ATP2B1: variants seen among roughly 807,000 people sequenced by gnomAD.
The protein encoded by ATP2B1 is ATPase plasma membrane Ca2+ transporting 1.
Under a neutral mutation model 124.2 loss-of-function variants are expected in ATP2B1, and 14 were observed. The ratio of observed to expected loss-of-function variants is 0.11; its 90% CI spans 0.07 to 0.18. The LOEUF is 0.18. Among genes scored for constraint, ATP2B1 ranks in the 10% least tolerant of loss-of-function variants. The probability of loss-of-function intolerance (pLI) is 1.00; values close to 1 mark genes in which losing one functional copy is unlikely to be tolerated. For missense variants in ATP2B1, 763 were observed against 1,466.1 expected (o/e 0.52, Z 7.83); for synonymous variants, 449 against 492.4 (o/e 0.91, Z 1.17).
chr12:89,667,075 C>T (rs917046593), intron 1 of ATP2B1, among the ~76,000 whole-genome samples: 5 of 152,130 alleles, frequency 3.3e-5, no homozygotes, highest in African/African-American at 1.2e-4. Context: ...TTTTATCCCA[C>T]TTTTTAAAAA....
chr12:89,601,175 G>T, intron 19 of ATP2B1, 151 bp downstream of exon 19: 1 of 561,476 alleles, frequency 1.8e-6, no homozygotes, highest in South Asian at 2.6e-5. Context: ...GAACTAATAC[G>T]ACATTAAAAA....
intron 2 of ATP2B1, among the ~76,000 whole-genome samples, chr12:89,645,625 A>G (rs78239950): frequency 1.1e-3 from 165 of 152,324 alleles, no homozygotes; most frequent in Admixed American, 6.7e-3. Context: ...GAACATTCCC[A>G]GCAGCAAAAG....
intron 1 of ATP2B1, among the ~76,000 whole-genome samples, chr12:89,666,233 G>C (rs1039370611): frequency 6.6e-6 from 1 of 152,140 alleles, no homozygotes; most frequent in African/African-American, 2.4e-5. Context: ...AAAGTGCAAA[G>C]AATATGGGCA....
intron 1 of ATP2B1, among the ~76,000 whole-genome samples, chr12:89,671,788 T>TTTTA (rs55679415): frequency 6.6e-6 from 1 of 150,816 alleles, no homozygotes. Flanking sequence ...TTTTTTTTTT[T>TTTTA]ACTGTAAATT....
chr12:89,591,632 C>G (rs1442802736), intron 20 of ATP2B1, among the ~76,000 whole-genome samples: 1 of 151,864 alleles, frequency 6.6e-6, no homozygotes, highest in Non-Finnish European at 1.5e-5. Context: ...TAACCATACA[C>G]AAGCTTAGCT....
At chr12:89,629,903 A>G (rs916095579) in intron 6 of ATP2B1, among the ~76,000 whole-genome samples, 9 of 152,226 alleles carry the variant, frequency 5.9e-5, no homozygotes, top group African/African-American at 1.9e-4. Flanking sequence ...TCTCTTGTGT[A>G]TAACAGTTTC....
intron 2 of ATP2B1, among the ~76,000 whole-genome samples, chr12:89,652,170 T>C (rs1352572194): frequency 6.6e-6 from 1 of 152,242 alleles, no homozygotes; most frequent in Non-Finnish European, 1.5e-5. Context: ...ATTTGTTTTA[T>C]TCATGGCTGT....
chr12:89,618,470 TAAA>T (rs934309362), intron 11 of ATP2B1, among the ~76,000 whole-genome samples: 1 of 152,030 alleles, frequency 6.6e-6, no homozygotes, highest in Non-Finnish European at 1.5e-5. Context: ...CAGTTTTGAC[TAAA>T]AAAAATTCTC....
chr12:89,674,728 C>T (rs1379521293), intron 1 of ATP2B1, among the ~76,000 whole-genome samples: 4 of 152,118 alleles, frequency 2.6e-5, no homozygotes, highest in Non-Finnish European at 4.4e-5. Flanking sequence ...TCCAAGTTCA[C>T]ACAACTATTA....
At chr12:89,705,649 A>G (rs1328304084) in intron 1 of ATP2B1, among the ~76,000 whole-genome samples, 1 of 152,150 alleles carries the variant, frequency 6.6e-6, no homozygotes, top group Non-Finnish European at 1.5e-5. Context: ...CTTACTCTGA[A>G]ATCAAGGAAT....
At chr12:89,617,112 C>CATTA in intron 11 of ATP2B1, 73 bp from the exon 12 acceptor site, 2 of 1,156,080 alleles carry the variant, frequency 1.7e-6, no homozygotes, top group Non-Finnish European at 2.6e-6. Context: ...AGTGAACTGG[C>CATTA]AGGCCTAGAA....
chr12:89,647,889 T>C (rs925721101), intron 2 of ATP2B1, among the ~76,000 whole-genome samples: 1 of 152,050 alleles, frequency 6.6e-6, no homozygotes, highest in Admixed American at 6.5e-5. Context: ...AACTCCTCCT[T>C]CTCTCACTCT....
chr12:89,602,926 T>C, intron 18 of ATP2B1, 117 bp downstream of exon 18: 1 of 841,562 alleles, frequency 1.2e-6, no homozygotes, highest in East Asian at 2.6e-5. Flanking sequence ...ATATTATATA[T>C]GTCACCAAGG....
At chr12:89,652,656 C>T (rs1207850146) in intron 2 of ATP2B1, among the ~76,000 whole-genome samples, 1 of 152,248 alleles carries the variant, frequency 6.6e-6, no homozygotes, top group Non-Finnish European at 1.5e-5. Context: ...TGACAAAATG[C>T]TTCCGAGTGA....
chr12:89,677,971 T>TATACACACACACACACACAC (rs1461216851), intron 1 of ATP2B1, among the ~76,000 whole-genome samples: 6 of 52,302 alleles, frequency 1.1e-4, no homozygotes, highest in Non-Finnish European at 2.4e-4. Flanking sequence ...TATATATATA[T>TATACACACACACACACACAC]ACACACACAC....
chr12:89,624,819 T>C (rs1311981326), intron 8 of ATP2B1, among the ~76,000 whole-genome samples: 1 of 152,134 alleles, frequency 6.6e-6, no homozygotes, highest in Non-Finnish European at 1.5e-5. Context: ...ACTCAACCCA[T>C]GTTTTAAAAA....
At chr12:89,673,267 C>T (rs1888216674) in intron 1 of ATP2B1, among the ~76,000 whole-genome samples, 1 of 152,176 alleles carries the variant, frequency 6.6e-6, no homozygotes, top group African/African-American at 2.4e-5. Flanking sequence ...ATATTATATG[C>T]AACATTTCCT....
Position 89,591,314 on chromosome 12 carries a change from A to G in ATP2B1, c.3352-19T>C. On this transcript the variant is annotated intron_variant, in intron 20 of 20. Coordinates refer to ENST00000428670, the MANE Select transcript of ATP2B1 (RefSeq NM_001366521.1). Reference sequence around the variant, plus strand: ...CTCGAATCTGTAAATATCAGAAAATACAGAAATATGTCAGTACACTATTAA... The same window carrying G: ...CTCGAATCTGTAAATATCAGAAAATGCAGAAATATGTCAGTACACTATTAA... The G allele has an allele frequency of 6.3e-7, 1 of 1,588,454 alleles. No individual in the cohort carries two copies. The highest frequency in any genetic ancestry group is 8.6e-7 in the Non-Finnish European group (1 of 1,166,084).
At chr12:89,649,564 A>C (rs1257469886) in intron 2 of ATP2B1, among the ~76,000 whole-genome samples, 1 of 152,184 alleles carries the variant, frequency 6.6e-6, no homozygotes, top group African/African-American at 2.4e-5. Context: ...CAGGCTCATA[A>C]ATGGAAGGAA....
Sources: gnomAD v4.1 joint callset for allele counts (sites outside exome capture counted in the v4.1 genomes callset) on GRCh38, gnomAD v4.1.1 for gene constraint, MANE v1.5 for transcripts, NCBI Gene and HGNC (gene_info 2026-07-23, HGNC 2026-07-21) for gene names.